The following ANKRD30B variants were observed in gnomAD, a reference collection of about 807,000 sequenced individuals.
ANKRD30B encodes ankyrin repeat domain-containing protein 30B.
In ANKRD30B, 144 loss-of-function variants were observed where a neutral mutation model predicts 202.2. The ratio of observed to expected loss-of-function variants is 0.71; its 90% confidence interval spans 0.62 to 0.82. The LOEUF (loss-of-function observed/expected upper bound fraction) is 0.82, where lower values mean the gene tolerates loss of function less well. Ranked by LOEUF, ANKRD30B falls within the 40% of genes least tolerant of loss-of-function variation. The probability of loss-of-function intolerance (pLI) is 0.00; values close to 1 mark genes in which losing one functional copy is unlikely to be tolerated. For missense variants in ANKRD30B, 1,487 were observed against 1,669.1 expected (o/e 0.89, Z 1.90); for synonymous variants, 508 against 561.3 (o/e 0.91, Z 1.34).
chr18:14,846,459 T>C (rs1306166884), intron 39 of ANKRD30B, among the ~76,000 whole-genome samples: 1 of 151,758 alleles, frequency 6.6e-6, no homozygotes, highest in Middle Eastern at 3.2e-3. Context: ...AGAATGGTGT[T>C]AAGTCTACCA....
chr18:14,839,137 T>G (rs938652527), intron 36 of ANKRD30B, among the ~76,000 whole-genome samples: 1 of 152,218 alleles, frequency 6.6e-6, no homozygotes, highest in African/African-American at 2.4e-5. Context: ...AGTGAGTCTC[T>G]GAATATCCAA....
intron 21 of ANKRD30B, 46 bp from the exon 22 acceptor site, chr18:14,799,177 G>A (rs191288940): frequency 6.3e-7 from 1 of 1,588,784 alleles, no homozygotes; most frequent in African/African-American, 1.4e-5. Flanking sequence ...CATATTTTAT[G>A]AAGTATACAT....
At chr18:14,927,633 G>C in the ANKRD30B span, among the ~76,000 whole-genome samples, 1 of 152,150 alleles carries the variant, frequency 6.6e-6, no homozygotes, top group African/African-American at 2.4e-5. Context: ...AACATATCTG[G>C]ATTTGGTCAC....
intron 6 of ANKRD30B, 75 bp downstream of exon 6, chr18:14,760,693 A>G: frequency 1.8e-6 from 2 of 1,087,296 alleles, no homozygotes; most frequent in Non-Finnish European, 2.7e-6. Flanking sequence ...CAAAAAAGCA[A>G]TTCAAAAAGC....
chr18:14,885,124 C>T, the ANKRD30B span, among the ~76,000 whole-genome samples: 4 of 152,032 alleles, frequency 2.6e-5, no homozygotes, highest in Admixed American at 1.3e-4. Context: ...GCATCCATTT[C>T]GATATATCAG....
intron 34 of ANKRD30B, among the ~76,000 whole-genome samples, chr18:14,835,703 G>A (rs949998592): frequency 1.8e-4 from 28 of 151,646 alleles, no homozygotes; most frequent in Admixed American, 1.6e-3. Flanking sequence ...CATCCTATAT[G>A]GTGTAAATAG....
the ANKRD30B span, among the ~76,000 whole-genome samples, chr18:14,932,317 T>C: frequency 6.6e-6 from 1 of 151,614 alleles, no homozygotes; most frequent in Admixed American, 6.6e-5. Flanking sequence ...TGGGTTCCTC[T>C]CCCCTATCTC....
chr18:14,936,569 A>C, the ANKRD30B span, among the ~76,000 whole-genome samples: 11 of 152,176 alleles, frequency 7.2e-5, no homozygotes, highest in Admixed American at 6.5e-4. Context: ...ACATATAATT[A>C]GAAATGATAG....
intron 14 of ANKRD30B, among the ~76,000 whole-genome samples, chr18:14,784,960 T>C (rs532051060): frequency 1.3e-5 from 2 of 152,268 alleles, no homozygotes; most frequent in East Asian, 1.9e-4. Flanking sequence ...GTTGTCACTT[T>C]GGGAATCTTA....
At chr18:14,909,896 G>C in the ANKRD30B span, 1 of 151,970 alleles carries the variant, frequency 6.6e-6, no homozygotes, top group Non-Finnish European at 1.5e-5. Flanking sequence ...CAGTACCTGA[G>C]AGCACTGAGG....
intron 30 of ANKRD30B, chr18:14,816,845 A>T (rs1970136036): frequency 6.6e-6 from 1 of 152,218 alleles, no homozygotes; most frequent in Non-Finnish European, 1.5e-5. Context: ...CATCATTCTC[A>T]GCAAACTCTC....
the ANKRD30B span, among the ~76,000 whole-genome samples, chr18:14,937,881 G>A: frequency 0.017 from 2,513 of 152,294 alleles, 26 homozygotes; most frequent in Non-Finnish European, 0.028. Context: ...GGCCCCTGGC[G>A]TCTCTGGGTG....
At chr18:14,868,498 A>AT in the ANKRD30B span, among the ~76,000 whole-genome samples, 5 of 152,368 alleles carry the variant, frequency 3.3e-5, no homozygotes, top group South Asian at 6.2e-4. Context: ...GTGTTGTGGG[A>AT]TCCCCCCATG....
At chr18:14,887,572 G>A in the ANKRD30B span, among the ~76,000 whole-genome samples, 1 of 151,600 alleles carries the variant, frequency 6.6e-6, no homozygotes, top group East Asian at 1.9e-4. Context: ...ATTGCTTCAG[G>A]CTCTCATTTT....
At chr18:14,898,333 G>T in the ANKRD30B span, among the ~76,000 whole-genome samples, 5 of 152,188 alleles carry the variant, frequency 3.3e-5, no homozygotes, top group East Asian at 9.7e-4. Flanking sequence ...ACTTCAAATC[G>T]TCAGGCATTA....
the ANKRD30B span, among the ~76,000 whole-genome samples, chr18:14,872,912 C>T: frequency 6.6e-6 from 1 of 152,120 alleles, no homozygotes; most frequent in Non-Finnish European, 1.5e-5. Flanking sequence ...CGCAGCCTTG[C>T]CCCTAGAATG....
intron 5 of ANKRD30B, among the ~76,000 whole-genome samples, chr18:14,759,016 A>C (rs186349875): frequency 6.6e-6 from 1 of 152,260 alleles, no homozygotes; most frequent in African/African-American, 2.4e-5. Context: ...TGAAAGTAAA[A>C]ATCTTCCATG....
At chr18:14,784,616 A>T in intron 14 of ANKRD30B, 81 bp downstream of exon 14, 1 of 1,431,192 alleles carries the variant, frequency 7.0e-7, no homozygotes, top group Non-Finnish European at 9.5e-7. Flanking sequence ...CCAATGATTT[A>T]TTTCTTTTAA....
chr18:14,795,777 G>T (rs1968833712), intron 16 of ANKRD30B, among the ~76,000 whole-genome samples: 1 of 151,924 alleles, frequency 6.6e-6, no homozygotes, highest in Non-Finnish European at 1.5e-5. Context: ...ATAGCTACTT[G>T]CAGTATATTG....
Sources: allele counts gnomAD v4.1 joint callset (sites outside exome capture counted in the v4.1 genomes callset), GRCh38; gene constraint gnomAD v4.1.1; transcripts MANE v1.5; gene names NCBI Gene and HGNC (gene_info 2026-07-23, HGNC 2026-07-21).